ALKBH1: variants seen among roughly 807,000 people sequenced by gnomAD.
ALKBH1 encodes the protein nucleic acid dioxygenase ALKBH1.
Under a neutral mutation model 36.6 loss-of-function variants are expected in ALKBH1, and 31 were observed. The ratio of observed to expected loss-of-function variants is 0.85; its 90% CI spans 0.64 to 1.14. The LOEUF is 1.14. Among genes scored for constraint, ALKBH1 ranks in the 50% most tolerant of loss-of-function variants. The probability of loss-of-function intolerance (pLI) is 0.00; values close to 1 mark genes in which losing one functional copy is unlikely to be tolerated. For missense variants in ALKBH1, 490 were observed against 497.3 expected (o/e 0.99, Z 0.14); for synonymous variants, 183 against 186.6 (o/e 0.98, Z 0.16).
intron 3 of ALKBH1, among the ~76,000 whole-genome samples, chr14:77,680,492 A>T (rs962321991): frequency 6.6e-6 from 1 of 152,172 alleles, no homozygotes; most frequent in East Asian, 1.9e-4. Flanking sequence ...CTGGTTTAAC[A>T]TGACTTCTTT....
intron 2 of ALKBH1, 35 bp from the exon 3 acceptor site, chr14:77,694,935 G>A: frequency 1.4e-6 from 2 of 1,436,002 alleles, no homozygotes; most frequent in Non-Finnish European, 1.8e-6. Flanking sequence ...AAAGAAGAGG[G>A]GGAAATTCTC....
In ALKBH1 at chr14:77,674,070, G is replaced by T. The variant is rs765068120; in HGVS notation, c.912C>A (p.Cys304Ter). ...PNPEGEGLPH[C>*]LEAPLPAVLP... is the part of the protein sequence containing the mutation. ...GGACAGCAGGGAGAGGTGCCTCTAG[G>T]CAGTGAGGCAGGCCTTCCCCTTCTG... The change falls in exon 6 of 6, where the codon TGC (cysteine) becomes TGA (stop). Residue 304 changes from cysteine (C) to a stop codon, truncating the protein, a stop_gained. Transcript: ENST00000216489. LOFTEE classifies it high-confidence loss of function. The T allele has an allele frequency of 6.2e-7, 1 of 1,614,164 alleles. No individual in the cohort carries two copies. Among genetic ancestry groups the T allele is most frequent in the Non-Finnish European group, 8.5e-7 (1 of 1,180,040 alleles).
chr14:77,697,756 G>A (rs1454116328), intron 2 of ALKBH1, among the ~76,000 whole-genome samples: 1 of 149,208 alleles, frequency 6.7e-6, no homozygotes, highest in Non-Finnish European at 1.5e-5. Context: ...GCCGATGCCT[G>A]TAATCCTAGC....
chr14:77,695,615 G>A (rs1468460149), intron 2 of ALKBH1, among the ~76,000 whole-genome samples: 1 of 152,152 alleles, frequency 6.6e-6, no homozygotes, highest in Non-Finnish European at 1.5e-5. Flanking sequence ...AAGCTCTTTT[G>A]TTGTTCTTCT....
intron 4 of ALKBH1, among the ~76,000 whole-genome samples, chr14:77,679,113 G>A (rs1341968770): frequency 6.6e-6 from 1 of 152,098 alleles, no homozygotes; most frequent in Non-Finnish European, 1.5e-5. Context: ...CACCGCGTGT[G>A]ATCGGTATCC....
At position 77,672,416 on chromosome 14, in the gene ALKBH1, C is replaced by T. The variant is rs1247389717; in HGVS notation, c.*1396G>A. On this transcript the variant is annotated 3_prime_UTR_variant, in exon 6 of 6. Transcript: ENST00000216489. ...CCTAGCTTACACATAAGAGATAAATCCATAATTTTTATTCATTTAAAAACC... is the reference window on the plus strand; with the variant it reads ...CCTAGCTTACACATAAGAGATAAATTCATAATTTTTATTCATTTAAAAACC... 1 of 151,982 alleles carries T rather than the reference C, an allele frequency of 6.6e-6. No individual in the cohort carries two copies. Among genetic ancestry groups the T allele is most frequent in the African/African-American group, 2.4e-5 (1 of 41,366 alleles). 9.4% of individuals were successfully genotyped at this position (151,982 alleles called of 1,614,324 possible). A position where few individuals can be genotyped will look rare whatever the true frequency, so the allele number is the denominator to read the frequency against.
intron 4 of ALKBH1, among the ~76,000 whole-genome samples, chr14:77,679,197 A>G (rs900670717): frequency 1.3e-5 from 2 of 152,162 alleles, no homozygotes; most frequent in Non-Finnish European, 2.9e-5. Flanking sequence ...CTCCAGGCAG[A>G]TATTACATAG....
chr14:77,688,837 G>T (rs1461271586), intron 3 of ALKBH1, among the ~76,000 whole-genome samples: 1 of 152,172 alleles, frequency 6.6e-6, no homozygotes, highest in Non-Finnish European at 1.5e-5. Flanking sequence ...CTCCCAAAGT[G>T]CTGGGATTAT....
intron 3 of ALKBH1, among the ~76,000 whole-genome samples, chr14:77,685,936 T>C (rs945352039): frequency 6.6e-6 from 1 of 152,158 alleles, no homozygotes; most frequent in African/African-American, 2.4e-5. Flanking sequence ...TTGGGGGCAA[T>C]GACATATATA....
chr14:77,677,788 A>G (rs1380394769), intron 4 of ALKBH1, among the ~76,000 whole-genome samples: 1 of 152,220 alleles, frequency 6.6e-6, no homozygotes, highest in Non-Finnish European at 1.5e-5. Flanking sequence ...GTGTGATTAA[A>G]GAACTTTAAG....
In ALKBH1 at chr14:77,687,462, G is replaced by T. The variant is rs1566814104; in HGVS notation, c.455+7276C>A. ...TAAAAACATTTTCTTTGTCACTTAT[G>T]CAAGCTACCCTGCTTATACCTCACC... On this transcript the variant is annotated intron_variant, in intron 3 of 5. Transcript: ENST00000216489. Among the ~76,000 whole-genome samples, 2 of 151,476 alleles carry T rather than the reference G, an allele frequency of 1.3e-5. 1 individual carries two copies. The highest frequency in any genetic ancestry group is 4.2e-4 in the South Asian group (2 of 4,802).
chr14:77,707,620 G>A (rs1295137964), intron 1 of ALKBH1, among the ~76,000 whole-genome samples: 1 of 152,210 alleles, frequency 6.6e-6, no homozygotes, highest in Non-Finnish European at 1.5e-5. Context: ...CGCCAGGAAT[G>A]GCCGCCTAAA....
intron 2 of ALKBH1, 85 bp from the exon 3 acceptor site, chr14:77,694,985 T>C (rs914204624): frequency 1.0e-5 from 12 of 1,150,630 alleles, no homozygotes; most frequent in East Asian, 3.0e-5. Flanking sequence ...TTATACTCAC[T>C]ATTTTGTTAT....
Position 77,675,720 on chromosome 14 carries a change from A to C in ALKBH1, c.676T>G (p.Ser226Ala). The change falls in exon 5 of 6, where the codon TCC becomes GCC. Residue 226 changes from serine (S) to alanine (A), a missense_variant. Transcript: ENST00000216489. The stretch of plus-strand genomic sequence containing the variant: ...CTGTCTACGTGGATTCCCAGTGTGG[A>C]GTCCAGGCGGTAGTAATTCAGGATC... ...AGILNYYRLD[S>A]TLGIHVDRSE... The C allele has an allele frequency of 6.2e-7, 1 of 1,614,192 alleles. No individual in the cohort carries two copies. The highest frequency in any genetic ancestry group is 1.3e-5 in the African/African-American group (1 of 75,054).
chr14:77,686,357 T>C (rs1434083497), intron 3 of ALKBH1, among the ~76,000 whole-genome samples: 3 of 152,218 alleles, frequency 2.0e-5, no homozygotes, highest in Admixed American at 1.3e-4. Flanking sequence ...AACTCTCACC[T>C]TGAAGAATGC....
intron 3 of ALKBH1, among the ~76,000 whole-genome samples, chr14:77,687,936 C>T (rs1341363687): frequency 6.6e-6 from 1 of 152,108 alleles, no homozygotes; most frequent in Non-Finnish European, 1.5e-5. Context: ...GTCCCTCTCA[C>T]CCTTAGTTAC....
intron 3 of ALKBH1, among the ~76,000 whole-genome samples, chr14:77,693,211 A>AC (rs1472225054): frequency 7.7e-5 from 9 of 116,486 alleles, no homozygotes; most frequent in Admixed American, 2.5e-4. Context: ...CGTCTCAAAA[A>AC]AAAAAAAAAA....
At chr14:77,702,519 C>T (rs1345077141) in intron 2 of ALKBH1, among the ~76,000 whole-genome samples, 1 of 151,994 alleles carries the variant, frequency 6.6e-6, no homozygotes, top group Non-Finnish European at 1.5e-5. Flanking sequence ...TGAAAACTAA[C>T]ATTTCTTTTT....
At position 77,678,072 on chromosome 14, in the gene ALKBH1, T is replaced by C. The variant is rs997949274; in HGVS notation, c.546+1808A>G. ...TCTTGGGGAATAACAATATCAACAG[T>C]AAAAATATTATCACCAAAAAAAAAA... On this transcript the variant is annotated intron_variant, in intron 4 of 5. Transcript: ENST00000216489. Among the ~76,000 whole-genome samples the C allele has an allele frequency of 1.8e-4, 3 of 16,302 alleles. No homozygotes were observed. The South Asian group carries it at 5.3e-3, about 29-fold the overall frequency. 10.7% of individuals were successfully genotyped at this position (16,302 alleles called of 152,430 possible). A position where few individuals can be genotyped will look rare whatever the true frequency, so the allele number is the denominator to read the frequency against.
Sources: allele counts gnomAD v4.1 joint callset (sites outside exome capture counted in the v4.1 genomes callset), GRCh38; gene constraint gnomAD v4.1.1; transcripts MANE v1.5; gene names NCBI Gene and HGNC (gene_info 2026-07-23, HGNC 2026-07-21).